ANKRD6: variants seen among roughly 807,000 people sequenced by gnomAD.
ANKRD6 encodes ankyrin repeat domain 6, also known as ankyrin repeat domain-containing protein 6.
Under a neutral mutation model 82.3 loss-of-function variants are expected in ANKRD6, and 56 were observed. That is an observed-to-expected ratio of 0.68 (90% CI 0.55 to 0.85). The LOEUF (loss-of-function observed/expected upper bound fraction) is 0.85. ANKRD6 is among the 40% of genes least tolerant of loss of function. The probability of loss-of-function intolerance (pLI) is 0.00; values close to 1 mark genes in which losing one functional copy is unlikely to be tolerated. For synonymous variants in ANKRD6, 347 were observed against 352.1 expected, an observed-to-expected ratio of 0.99 and a Z score of 0.16; for missense variants, 852 against 907.6, an observed-to-expected ratio of 0.94 and a Z score of 0.79.
intron 1 of ANKRD6, among the ~76,000 whole-genome samples, chr6:89,469,999 T>A (rs1336347546): frequency 6.6e-6 from 1 of 152,220 alleles, no homozygotes; most frequent in Admixed American, 6.5e-5. Flanking sequence ...GTAGCTTTGT[T>A]GATTTTCCTG....
At position 89,595,966 on chromosome 6, in the gene ANKRD6, G is replaced by A; in HGVS notation, c.171G>A (p.Val57=). 1 of 1,611,132 alleles carries A rather than the reference G, an allele frequency of 6.2e-7. No individual in the cohort carries two copies. Among genetic ancestry groups the A allele is most frequent in the Non-Finnish European group, 8.5e-7 (1 of 1,178,840 alleles). The change falls in exon 3 of 16, where the codon GTG becomes GTA. Residue 57 remains valine (V), a synonymous_variant. Transcript: ENST00000339746. ...HLAANKGHLP[V]VQILLKAGCD... Reference sequence around the variant, plus strand: ...CTGCCAATAAGGGCCATCTTCCTGTGGTCCAGATCTTGCTGAAGGCTGGCT... The same window carrying A: ...CTGCCAATAAGGGCCATCTTCCTGTAGTCCAGATCTTGCTGAAGGCTGGCT...
At chr6:89,496,554 T>C (rs1341031506) in intron 1 of ANKRD6, among the ~76,000 whole-genome samples, 3 of 152,236 alleles carry the variant, frequency 2.0e-5, no homozygotes, top group Middle Eastern at 6.8e-3. Flanking sequence ...ATGGAGTCTC[T>C]CTCTCTTCTC....
chr6:89,574,211 T>A (rs1790588320), intron 2 of ANKRD6, among the ~76,000 whole-genome samples: 1 of 152,214 alleles, frequency 6.6e-6, no homozygotes, highest in Non-Finnish European at 1.5e-5. Flanking sequence ...GGCCAGATCA[T>A]CCTGTGCTAT....
intron 1 of ANKRD6, among the ~76,000 whole-genome samples, chr6:89,563,435 C>G (rs1787797687): frequency 6.6e-6 from 1 of 152,084 alleles, no homozygotes; most frequent in Non-Finnish European, 1.5e-5. Context: ...GGTTTTCCTC[C>G]AGAATGCTGT....
chr6:89,611,169 CTA>C (rs1216487128), intron 5 of ANKRD6, among the ~76,000 whole-genome samples: 1 of 115,984 alleles, frequency 8.6e-6, no homozygotes, highest in Non-Finnish European at 1.8e-5. Flanking sequence ...CAGTATTCCT[CTA>C]TTTTTTTTTT....
intron 1 of ANKRD6, among the ~76,000 whole-genome samples, chr6:89,536,231 AAGAG>A (rs890475247): frequency 4.6e-5 from 7 of 152,206 alleles, no homozygotes; most frequent in African/African-American, 1.7e-4. Context: ...CTGTTTCAGA[AAGAG>A]AGAGAGAAAA....
intron 1 of ANKRD6, among the ~76,000 whole-genome samples, chr6:89,566,596 G>A (rs752956589): frequency 6.6e-6 from 1 of 152,220 alleles, no homozygotes; most frequent in Non-Finnish European, 1.5e-5. Flanking sequence ...ATACTCCTCC[G>A]GAGGATGTCC....
rs150698942 is a variant in ANKRD6, at chr6:89,474,806, A to G, written c.-144+41431A>G. On this transcript the variant is annotated intron_variant, in intron 1 of 15. Transcript: ENST00000339746. ...CACATCCACCCACAGTGAAAGTGAA[A>G]CCAACCATGAGTTGAATGAAGTATT... Among the ~76,000 whole-genome samples, 299 of 152,304 alleles carry G rather than the reference A, an allele frequency of 2.0e-3. 2 individuals carry two copies. Among genetic ancestry groups the G allele is most frequent in the African/African-American group, 6.8e-3 (281 of 41,560 alleles).
At chr6:89,544,927 T>C (rs1784888784) in intron 1 of ANKRD6, among the ~76,000 whole-genome samples, 1 of 151,116 alleles carries the variant, frequency 6.6e-6, no homozygotes, top group Non-Finnish European at 1.5e-5. Flanking sequence ...GAAAGGGATG[T>C]TTCGGGCCAG....
chr6:89,574,632 G>T (rs1318496271), intron 2 of ANKRD6, among the ~76,000 whole-genome samples: 1 of 152,184 alleles, frequency 6.6e-6, no homozygotes, highest in Non-Finnish European at 1.5e-5. Flanking sequence ...AGGTACTCTT[G>T]TAAGAGCTCT....
chr6:89,470,384 C>T (rs544715565), intron 1 of ANKRD6, among the ~76,000 whole-genome samples: 5 of 152,234 alleles, frequency 3.3e-5, no homozygotes, highest in East Asian at 1.9e-4. Context: ...TTTACTAGAC[C>T]GAGGTGGGAG....
At chr6:89,480,959 A>AAAAT (rs1216085201) in intron 1 of ANKRD6, among the ~76,000 whole-genome samples, 54 of 148,934 alleles carry the variant, frequency 3.6e-4, no homozygotes, top group South Asian at 3.0e-3. Context: ...AAAAAAATAG[A>AAAAT]AGAAGAAGAA....
At chr6:89,525,067 A>T (rs1782306250) in intron 1 of ANKRD6, among the ~76,000 whole-genome samples, 1 of 151,924 alleles carries the variant, frequency 6.6e-6, no homozygotes, top group African/African-American at 2.4e-5. Context: ...GCTGAGGCTG[A>T]TGGATCACTT....
intron 1 of ANKRD6, among the ~76,000 whole-genome samples, chr6:89,547,983 T>C (rs1785326000): frequency 2.6e-5 from 4 of 152,180 alleles, no homozygotes; most frequent in African/African-American, 2.4e-5. Flanking sequence ...ATGCAGTCAG[T>C]TGGAATGAAA....
intron 15 of ANKRD6, 68 bp from the exon 16 acceptor site, chr6:89,630,365 C>T: frequency 5.2e-6 from 8 of 1,529,788 alleles, no homozygotes; most frequent in Non-Finnish European, 7.0e-6. Flanking sequence ...CTCTAAAATA[C>T]TGACCCGCAG....
rs760451143 is a variant in ANKRD6 at position 89,433,959 on chromosome 6, T to C, written c.-144+584T>C. ...CCAGACATCAGCTCACCCAAGCTTA[T>C]CTTGGGCTTTTAAGTGTGTTGCTTC... On this transcript the variant is annotated intron_variant, in intron 1 of 15. Transcript: ENST00000339746. The surrounding 1 kb of genome is among the most constrained non-coding windows in gnomAD (Gnocchi z 4.3). 3.9e-5 allele frequency among the ~76,000 whole-genome samples: 6 copies of C among 152,178 alleles called. No individual in the cohort carries two copies. The highest frequency in any genetic ancestry group is 7.2e-5 in the African/African-American group (3 of 41,448).
At chr6:89,514,020 G>A (rs1007545752) in intron 1 of ANKRD6, among the ~76,000 whole-genome samples, 1 of 152,200 alleles carries the variant, frequency 6.6e-6, no homozygotes, top group Admixed American at 6.5e-5. Flanking sequence ...CGTGGCCAGT[G>A]GGCTGCCATA....
chr6:89,602,876 C>T (rs866181632), intron 3 of ANKRD6, 153 bp from the exon 4 acceptor site: 215 of 596,356 alleles, frequency 3.6e-4, no homozygotes, highest in Non-Finnish European at 5.3e-4. Flanking sequence ...CCACAAAGCC[C>T]GCCTTGCCTG....
Position 89,456,755 on chromosome 6 carries a change from A to G in ANKRD6, c.-144+23380A>G, listed in dbSNP as rs1449666196. 2.0e-5 allele frequency among the ~76,000 whole-genome samples: 3 copies of G among 152,228 alleles called. No homozygotes were observed. In the East Asian group the frequency reaches 5.8e-4, roughly 29 times the overall value. On this transcript the variant is annotated intron_variant, in intron 1 of 15. Transcript: ENST00000339746. ...CATAAATTATGGCCACAGAAATTTT[A>G]TATTAAAGTGTTAGGATCATCCATG...
Sources: gnomAD v4.1 joint callset for allele counts (sites outside exome capture counted in the v4.1 genomes callset) on GRCh38, gnomAD v4.1.1 for gene constraint, Gnocchi (gnomAD v3.1) non-coding constraint, MANE v1.5 for transcripts, NCBI Gene and HGNC (gene_info 2026-07-23, HGNC 2026-07-21) for gene names.